Variants in ASXL2 observed in about 807,000 individuals in gnomAD.
ASXL2 encodes the protein putative Polycomb group protein ASXL2.
Under a neutral mutation model 122.0 loss-of-function variants are expected in ASXL2, and 23 were observed. That is an observed-to-expected ratio of 0.19 (90% CI 0.14 to 0.27). ASXL2 has a LOEUF of 0.27. Among genes scored for constraint, ASXL2 ranks in the 10% least tolerant of loss-of-function variants. The pLI, the probability that ASXL2 is intolerant of heterozygous loss-of-function variation, is 1.00. For missense variants in ASXL2, 1,518 were observed against 1,713.8 expected (o/e 0.89, Z 2.02); for synonymous variants, 650 against 637.0 (o/e 1.02, Z -0.31).
chr2:25,799,673 T>C, intron 4 of ASXL2, 138 bp from the exon 5 acceptor site: 1 of 1,034,614 alleles, frequency 9.7e-7, no homozygotes, highest in South Asian at 1.7e-5. Context: ...CCAGCAATAT[T>C]TTCTGAATTC....
chr2:25,755,943 G>C (rs560170755), intron 10 of ASXL2, 75 bp downstream of exon 10: 1 of 1,226,472 alleles, frequency 8.2e-7, no homozygotes, highest in African/African-American at 1.5e-5. Context: ...CCAAAACTGC[G>C]TAATTACCTG....
chr2:25,799,579 A>C (rs764298490), intron 4 of ASXL2, 44 bp from the exon 5 acceptor site: 1 of 1,546,616 alleles, frequency 6.5e-7, no homozygotes, highest in Middle Eastern at 1.7e-4. Context: ...TTACCATTTA[A>C]GCAAACAGAA....
At chr2:25,795,350 T>C (rs1376790416) in intron 5 of ASXL2, among the ~76,000 whole-genome samples, 6 of 152,204 alleles carry the variant, frequency 3.9e-5, no homozygotes, top group African/African-American at 1.4e-4. Context: ...TTATTGTTCA[T>C]GTCTTCTATT....
chr2:25,772,091 ACT>A (rs1015666822), intron 5 of ASXL2, among the ~76,000 whole-genome samples: 6 of 152,012 alleles, frequency 3.9e-5, no homozygotes, highest in Non-Finnish European at 5.9e-5. Context: ...AGATGTAACC[ACT>A]CTCTACTTCA....
chr2:25,831,777 A>G (rs1277963576), intron 3 of ASXL2, among the ~76,000 whole-genome samples: 1 of 152,226 alleles, frequency 6.6e-6, no homozygotes, highest in Non-Finnish European at 1.5e-5. Context: ...ATAAATCTAA[A>G]TAAGTCCACC....
chr2:25,867,184 G>A (rs2089915576), intron 1 of ASXL2, among the ~76,000 whole-genome samples: 1 of 152,140 alleles, frequency 6.6e-6, no homozygotes, highest in South Asian at 2.1e-4. Flanking sequence ...ACAGGCGTGA[G>A]CCACCGCGCC....
intron 2 of ASXL2, among the ~76,000 whole-genome samples, chr2:25,844,804 T>C (rs2089630997): frequency 6.6e-6 from 1 of 151,990 alleles, no homozygotes; most frequent in African/African-American, 2.4e-5. Flanking sequence ...CACATCTAGT[T>C]AATACAATTT....
At chr2:25,779,153 G>A (rs1280691627) in intron 5 of ASXL2, among the ~76,000 whole-genome samples, 2 of 139,312 alleles carry the variant, frequency 1.4e-5, no homozygotes, top group South Asian at 2.3e-4. Context: ...GCAGTGGTGC[G>A]ATCTTGGCTC....
intron 3 of ASXL2, chr2:25,822,725 G>A: frequency 1.4e-6 from 1 of 694,292 alleles, no homozygotes; most frequent in Non-Finnish European, 2.5e-6. Flanking sequence ...GCCAGTCATA[G>A]CCAAGGTTAA....
chr2:25,854,779 G>A (rs952329732), intron 1 of ASXL2, among the ~76,000 whole-genome samples: 12 of 152,218 alleles, frequency 7.9e-5, no homozygotes, highest in Non-Finnish European at 1.2e-4. Context: ...ACTAGGCAGT[G>A]GCAGAAGGAG....
At chr2:25,748,478 C>T (rs2087979662) in intron 12 of ASXL2, among the ~76,000 whole-genome samples, 1 of 151,008 alleles carries the variant, frequency 6.6e-6, no homozygotes, top group South Asian at 2.1e-4. Context: ...TGCACTCCAG[C>T]CTGGACAACA....
At chr2:25,786,521 G>A (rs1439110983) in intron 5 of ASXL2, among the ~76,000 whole-genome samples, 1 of 151,090 alleles carries the variant, frequency 6.6e-6, no homozygotes, top group Non-Finnish European at 1.5e-5. Context: ...ATACAGGCGT[G>A]AGCCACCACG....
At chr2:25,845,935 A>C (rs947810760) in intron 1 of ASXL2, among the ~76,000 whole-genome samples, 11 of 152,222 alleles carry the variant, frequency 7.2e-5, no homozygotes, top group Non-Finnish European at 1.6e-4. Flanking sequence ...ACTGAATGCA[A>C]CTAAAAACCT....
At chr2:25,867,179 C>T (rs993880933) in intron 1 of ASXL2, among the ~76,000 whole-genome samples, 32 of 152,188 alleles carry the variant, frequency 2.1e-4, no homozygotes, top group African/African-American at 7.7e-4. Context: ...GGATTACAGG[C>T]GTGAGCCACC....
intron 1 of ASXL2, among the ~76,000 whole-genome samples, chr2:25,877,458 A>C (rs183786690): frequency 9.2e-5 from 14 of 152,268 alleles, no homozygotes; most frequent in African/African-American, 3.4e-4. Flanking sequence ...TCATTAGGGC[A>C]CCATCCCTTT....
At chr2:25,780,355 T>G (rs1031441272) in intron 5 of ASXL2, 1 of 152,206 alleles carries the variant, frequency 6.6e-6, no homozygotes, top group Admixed American at 6.5e-5. Context: ...CTTTTAATAG[T>G]TGCATAGAAT....
rs763416067 is a variant in ASXL2 at position 25,836,157 on chromosome 2, G to C, written c.141-617C>G. Among the ~76,000 whole-genome samples, 6 of 152,268 alleles carry C rather than the reference G, an allele frequency of 3.9e-5. No individual in the cohort carries two copies. In the Middle Eastern group the frequency reaches 0.017, roughly 432 times the overall value. On this transcript the variant is annotated intron_variant, in intron 2 of 12. Coordinates refer to ENST00000435504, the MANE Select transcript of ASXL2 (RefSeq NM_018263.6). ...CTCATGCCGAGGCCAAAGCAGGATTGCTTGAGCCCAAGAATTCAAGATGAG... is the reference window on the plus strand; with the variant it reads ...CTCATGCCGAGGCCAAAGCAGGATTCCTTGAGCCCAAGAATTCAAGATGAG...
intron 1 of ASXL2, among the ~76,000 whole-genome samples, chr2:25,863,471 T>C (rs1022597260): frequency 2.0e-4 from 30 of 151,216 alleles, no homozygotes; most frequent in Non-Finnish European, 4.0e-4. Flanking sequence ...GGCGGGTAGA[T>C]CATGAGGTCA....
intron 8 of ASXL2, among the ~76,000 whole-genome samples, chr2:25,761,277 G>C (rs1407672906): frequency 2.0e-5 from 3 of 152,146 alleles, no homozygotes; most frequent in African/African-American, 7.2e-5. Flanking sequence ...TTCCAAAGAG[G>C]ACAGAAAGAA....
Sources: gnomAD v4.1 joint callset for allele counts (sites outside exome capture counted in the v4.1 genomes callset) on GRCh38, gnomAD v4.1.1 for gene constraint, MANE v1.5 for transcripts, NCBI Gene and HGNC (gene_info 2026-07-23, HGNC 2026-07-21) for gene names.